The following ITGA1 variants were observed in gnomAD, a reference collection of about 807,000 sequenced individuals.
ITGA1 encodes integrin alpha-1.
A neutral mutation model predicts 145.9 loss-of-function variants in ITGA1; 85 were observed. That is an observed-to-expected ratio of 0.58 (90% CI 0.49 to 0.70). ITGA1 has a LOEUF of 0.70. ITGA1 is among the 30% of genes least tolerant of loss of function. The pLI, the probability that ITGA1 is intolerant of heterozygous loss-of-function variation, is 0.00. For synonymous variants in ITGA1, 520 were observed against 495.3 expected, an observed-to-expected ratio of 1.05 and a Z score of -0.66; for missense variants, 1,351 against 1,418.7, an observed-to-expected ratio of 0.95 and a Z score of 0.77.
At chr5:52,824,818 A>G (rs1748935708) in intron 1 of ITGA1, 1 of 152,192 alleles carries the variant, frequency 6.6e-6, no homozygotes, top group African/African-American at 2.4e-5. Flanking sequence ...TCAGAATTCT[A>G]TATATTATTT....
rs10055558 is a variant in ITGA1 at position 52,820,995 on chromosome 5, T to C, written c.62-28370T>C. 6.6e-3 allele frequency among the ~76,000 whole-genome samples: 1,008 copies of C among 152,308 alleles called. 12 individuals are homozygous for C. Among genetic ancestry groups the C allele is most frequent in the African/African-American group, 0.023 (967 of 41,568 alleles). Reference sequence around the variant, plus strand: ...GATAGGTTTCATGTACTCTTCAGTATTGATAGCCTACTTTCTAAGTGTGTG... The same window carrying C: ...GATAGGTTTCATGTACTCTTCAGTACTGATAGCCTACTTTCTAAGTGTGTG... On this transcript the variant is annotated intron_variant, in intron 1 of 28. Coordinates refer to ENST00000282588, the MANE Select transcript of ITGA1 (RefSeq NM_181501.2).
chr5:52,910,144 T>A lies in ITGA1; in HGVS notation c.1600-18T>A, dbSNP rs759604091. On this transcript the variant is annotated intron_variant, in intron 13 of 28. Coordinates refer to ENST00000282588, the MANE Select transcript of ITGA1 (RefSeq NM_181501.2). ...TAATGATGGAAATACATAAATATCC[T>A]GTTTATCTTTCTTCCAGACAAGGTT... 4.4e-6 allele frequency: 7 copies of A among 1,595,870 alleles called. No individual in the cohort carries two copies. Among genetic ancestry groups the A allele is most frequent in the Non-Finnish European group, 6.0e-6 (7 of 1,166,030 alleles).
chr5:52,886,295 A>G (rs528776123), intron 7 of ITGA1, among the ~76,000 whole-genome samples: 1 of 152,178 alleles, frequency 6.6e-6, no homozygotes, highest in Non-Finnish European at 1.5e-5. Context: ...ATCTTGTCAT[A>G]TTTGCTTTAA....
chr5:52,956,666 C>G lies in ITGA1; in HGVS notation c.*4215C>G, dbSNP rs1751310212. ...TATGGGACACTATCAGCAACTACGCCTGGGGAAGCTAGCAGGATTTAGCTC... is the reference window on the plus strand; with the variant it reads ...TATGGGACACTATCAGCAACTACGCGTGGGGAAGCTAGCAGGATTTAGCTC... On this transcript the variant is annotated 3_prime_UTR_variant, in exon 29 of 29. Transcript: ENST00000282588. 1 of 152,192 alleles carries G rather than the reference C, an allele frequency of 6.6e-6. No homozygotes were observed. The highest frequency in any genetic ancestry group is 6.5e-5 in the Admixed American group (1 of 15,280). The allele number at this position is 152,192 out of a possible 1,614,324, so 9.4% of individuals were successfully genotyped here.
intron 1 of ITGA1, among the ~76,000 whole-genome samples, chr5:52,796,560 G>C (rs1057132334): frequency 3.3e-5 from 5 of 152,072 alleles, no homozygotes; most frequent in African/African-American, 1.2e-4. Context: ...AGCAGTTTCT[G>C]AACTACCATT....
intron 1 of ITGA1, among the ~76,000 whole-genome samples, chr5:52,831,072 T>C (rs537148138): frequency 6.6e-6 from 1 of 152,296 alleles, no homozygotes; most frequent in East Asian, 1.9e-4. Flanking sequence ...ACTTGAAATA[T>C]AGAGACCTTT....
At chr5:52,874,513 A>G (rs1258677010) in intron 6 of ITGA1, among the ~76,000 whole-genome samples, 1 of 152,000 alleles carries the variant, frequency 6.6e-6, no homozygotes, top group African/African-American at 2.4e-5. Flanking sequence ...CTTAAACATG[A>G]CTTTCAGTTT....
Position 52,947,306 on chromosome 5 carries a change from G to A in ITGA1, c.3379-39G>A, listed in dbSNP as rs1435487245. The A allele has an allele frequency of 3.4e-6, 4 of 1,193,006 alleles. No homozygotes were observed. In the African/African-American group the frequency reaches 4.5e-5, roughly 13 times the overall value. 73.9% of individuals were successfully genotyped at this position (1,193,006 alleles called of 1,614,324 possible). On this transcript the variant is annotated intron_variant, in intron 27 of 28. Coordinates refer to ENST00000282588, the MANE Select transcript of ITGA1 (RefSeq NM_181501.2). ...CTCAATGTTCCAGGAGTTCTAATAG[G>A]TGTTTATTATGTTAACAATCTTGTT...
At chr5:52,851,687 CT>C (rs1482182089) in intron 2 of ITGA1, among the ~76,000 whole-genome samples, 1 of 152,160 alleles carries the variant, frequency 6.6e-6, no homozygotes, top group Non-Finnish European at 1.5e-5. Context: ...CATCACAATT[CT>C]ACATACATTT....
chr5:52,919,574 G>C (rs1056049885), intron 16 of ITGA1, among the ~76,000 whole-genome samples: 1 of 152,164 alleles, frequency 6.6e-6, no homozygotes, highest in Admixed American at 6.6e-5. Context: ...AGCAGAATGA[G>C]AAAAGCCATT....
At chr5:52,798,848 C>T (rs1278464081) in intron 1 of ITGA1, among the ~76,000 whole-genome samples, 2 of 152,156 alleles carry the variant, frequency 1.3e-5, no homozygotes, top group Non-Finnish European at 2.9e-5. Flanking sequence ...CTGAGAATTT[C>T]CTTGTGGGCA....
Position 52,910,970 on chromosome 5 carries a change from CTATATATAGTATGTAT to C in ITGA1, c.1857+552_1857+567del, listed in dbSNP as rs1188290165. Among the ~76,000 whole-genome samples, 264 of 114,690 alleles carry C rather than the reference CTATATATAGTATGTAT, an allele frequency of 2.3e-3. 1 individual carries two copies. The highest frequency in any genetic ancestry group is 8.5e-3 in the African/African-American group (251 of 29,372). 75.2% of individuals were successfully genotyped at this position (114,690 alleles called of 152,430 possible). A position where few individuals can be genotyped will look rare whatever the true frequency, so the allele number is the denominator to read the frequency against. On this transcript the variant is annotated intron_variant, in intron 14 of 28. Transcript: ENST00000282588. Reference sequence around the variant, plus strand: ...GTATATAGTATATACACTATATATACTATATATAGTATGTATACTATATATAGTATGTATACTGTAT... The same window carrying C: ...GTATATAGTATATACACTATATATACACTATATATAGTATGTATACTGTAT...
intron 1 of ITGA1, among the ~76,000 whole-genome samples, chr5:52,836,055 T>C (rs1402139982): frequency 2.0e-5 from 3 of 152,208 alleles, no homozygotes; most frequent in Non-Finnish European, 4.4e-5. Flanking sequence ...AATCCTAAAT[T>C]GGGCGATGAC....
intron 7 of ITGA1, among the ~76,000 whole-genome samples, chr5:52,883,258 G>A (rs1749990333): frequency 6.6e-6 from 1 of 152,222 alleles, no homozygotes; most frequent in African/African-American, 2.4e-5. Context: ...CTCTGAGCCT[G>A]TAGGGAGCTG....
At position 52,956,404 on chromosome 5, in the gene ITGA1, C is replaced by T. The variant is rs1482623678; in HGVS notation, c.*3953C>T. 1.3e-5 allele frequency: 2 copies of T among 152,170 alleles called. No individual in the cohort carries two copies. The highest frequency in any genetic ancestry group is 4.8e-5 in the African/African-American group (2 of 41,432). 9.4% of individuals were successfully genotyped at this position (152,170 alleles called of 1,614,324 possible). A position where few individuals can be genotyped will look rare whatever the true frequency, so the allele number is the denominator to read the frequency against. ...TGTACTTTTCATTTCTTCCAACAAC[C>T]CTCAGGCCCCCTTTTGCCAGTTTTC... is the stretch of plus-strand genomic sequence containing the variant. On this transcript the variant is annotated 3_prime_UTR_variant, in exon 29 of 29. Transcript: ENST00000282588.
chr5:52,906,000 C>A (rs1750397424), intron 12 of ITGA1, 92 bp downstream of exon 12: 1 of 1,092,512 alleles, frequency 9.2e-7, no homozygotes, highest in Non-Finnish European at 1.3e-6. Flanking sequence ...AAATGCAATA[C>A]CCACATATTC....
chr5:52,907,633 T>C (rs1750432672), intron 12 of ITGA1, among the ~76,000 whole-genome samples: 2 of 152,198 alleles, frequency 1.3e-5, no homozygotes, highest in Admixed American at 1.3e-4. Flanking sequence ...TTAGACATGT[T>C]CCTTGTAACA....
chr5:52,908,703 A>G (rs1579711652), intron 12 of ITGA1, among the ~76,000 whole-genome samples, 195 bp from the exon 13 acceptor site: 1 of 152,216 alleles, frequency 6.6e-6, no homozygotes, highest in Non-Finnish European at 1.5e-5. Flanking sequence ...ATCCTCAAAG[A>G]TGGAACCGAC....
At chr5:52,865,624 A>G in intron 5 of ITGA1, 66 bp from the exon 6 acceptor site, 8 of 1,295,468 alleles carry the variant, frequency 6.2e-6, no homozygotes, top group Non-Finnish European at 8.1e-6. Context: ...TTCAGCCATG[A>G]AAGCACTTCA....
Sources: allele counts gnomAD v4.1 joint callset (sites outside exome capture counted in the v4.1 genomes callset), GRCh38; gene constraint gnomAD v4.1.1; transcripts MANE v1.5; gene names NCBI Gene and HGNC (gene_info 2026-07-23, HGNC 2026-07-21).